The following LPP variants were observed in gnomAD, a reference collection of about 807,000 sequenced individuals.
The protein encoded by LPP is lipoma-preferred partner.
Under a neutral mutation model 60.4 loss-of-function variants are expected in LPP, and 38 were observed. That is an observed-to-expected ratio of 0.63 (90% CI 0.49 to 0.83). The LOEUF (loss-of-function observed/expected upper bound fraction) is 0.83. Among genes scored for constraint, LPP ranks in the 40% least tolerant of loss-of-function variants. The pLI, the probability that LPP is intolerant of heterozygous loss-of-function variation, is 0.00. For synonymous variants in LPP, 328 were observed against 290.8 expected, an observed-to-expected ratio of 1.13 and a Z score of -1.30; for missense variants, 902 against 783.6, an observed-to-expected ratio of 1.15 and a Z score of -1.80.
chr3:188,864,113 T>C (rs1229369113), intron 9 of LPP, among the ~76,000 whole-genome samples: 1 of 152,188 alleles, frequency 6.6e-6, no homozygotes, highest in Non-Finnish European at 1.5e-5. Context: ...CCTGTGCTCT[T>C]CTGCTATTTT....
chr3:188,825,526 T>C (rs1440249377), intron 9 of LPP, among the ~76,000 whole-genome samples: 1 of 151,898 alleles, frequency 6.6e-6, no homozygotes, highest in Non-Finnish European at 1.5e-5. Flanking sequence ...GTATCTGAAG[T>C]GTGAATCTAT....
rs938498244 is a variant in LPP, at chr3:188,883,351, G to A, written c.*8872G>A. On this transcript the variant is annotated 3_prime_UTR_variant, in exon 12 of 12. Coordinates refer to ENST00000617246, the MANE Select transcript of LPP (RefSeq NM_001375462.1). Reference sequence around the variant, plus strand: ...ATTTAGAAGACAGACCGTTCTGACAGTTGTTGTGTAGCTTCATGCCTTCCC... The same window carrying A: ...ATTTAGAAGACAGACCGTTCTGACAATTGTTGTGTAGCTTCATGCCTTCCC... The A allele has an allele frequency of 9.3e-6, 2 of 215,102 alleles. No homozygotes were observed. The highest frequency in any genetic ancestry group is 4.5e-5 in the African/African-American group (2 of 44,342). 13.3% of individuals were successfully genotyped at this position (215,102 alleles called of 1,614,324 possible).
chr3:188,616,647 C>T (rs924439631), intron 7 of LPP, among the ~76,000 whole-genome samples: 1 of 151,892 alleles, frequency 6.6e-6, no homozygotes, highest in Non-Finnish European at 1.5e-5. Flanking sequence ...ACAAAATAGG[C>T]TGCTATGATT....
At chr3:188,679,879 C>T (rs1285761125) in intron 7 of LPP, among the ~76,000 whole-genome samples, 1 of 152,032 alleles carries the variant, frequency 6.6e-6, no homozygotes, top group Non-Finnish European at 1.5e-5. Flanking sequence ...TAATTTTTTC[C>T]TCCTATCCCC....
chr3:188,718,033 C>T (rs1714776251), intron 8 of LPP, among the ~76,000 whole-genome samples: 1 of 152,166 alleles, frequency 6.6e-6, no homozygotes, highest in African/African-American at 2.4e-5. Flanking sequence ...GTTGGTCAGG[C>T]TGATCTCGAA....
At chr3:188,547,932 G>A (rs1221450486) in intron 6 of LPP, among the ~76,000 whole-genome samples, 2 of 152,136 alleles carry the variant, frequency 1.3e-5, no homozygotes, top group Admixed American at 1.3e-4. Context: ...GCTTCTTCAT[G>A]TCTAGTGTTG....
intron 9 of LPP, among the ~76,000 whole-genome samples, chr3:188,798,502 C>G (rs879659815): frequency 6.6e-6 from 1 of 152,196 alleles, no homozygotes; most frequent in Non-Finnish European, 1.5e-5. Context: ...TCTCTTCAGT[C>G]TCAACATCCT....
chr3:188,890,569 T>C lies in LPP; in HGVS notation c.*16090T>C, dbSNP rs6659. 11,014 of 179,710 alleles carry C rather than the reference T, an allele frequency of 0.061. 374 individuals carry two copies. Among genetic ancestry groups the C allele is most frequent in the Non-Finnish European group, 0.071 (5,941 of 83,862 alleles). The allele number at this position is 179,710 out of a possible 1,614,324, so 11.1% of individuals were successfully genotyped here. ...TTCTCTACCAATTATGTTTTTTCAA[T>C]GCTCTATAAGAATGAATATGGAAAT... On this transcript the variant is annotated 3_prime_UTR_variant, in exon 12 of 12. Coordinates refer to ENST00000617246, the MANE Select transcript of LPP (RefSeq NM_001375462.1).
At chr3:188,723,706 T>A (rs1460985330) in intron 8 of LPP, among the ~76,000 whole-genome samples, 1 of 145,640 alleles carries the variant, frequency 6.9e-6, no homozygotes, top group East Asian at 2.0e-4. Flanking sequence ...GAATGTAGCT[T>A]AAAAAAAAAA....
At chr3:188,521,424 T>A (rs562491482) in intron 5 of LPP, among the ~76,000 whole-genome samples, 1 of 152,068 alleles carries the variant, frequency 6.6e-6, no homozygotes, top group Non-Finnish European at 1.5e-5. Context: ...ACTTGTTGAG[T>A]CTCAGTGGTT....
chr3:188,571,666 A>G (rs1239984154), intron 6 of LPP, among the ~76,000 whole-genome samples: 1 of 152,142 alleles, frequency 6.6e-6, no homozygotes. Flanking sequence ...GAGAAGTCAT[A>G]CAGCGTATTT....
intron 6 of LPP, among the ~76,000 whole-genome samples, chr3:188,540,776 T>C (rs1824950946): frequency 6.6e-6 from 1 of 152,224 alleles, no homozygotes. Context: ...TTGTCTGAGT[T>C]ACTGCTTTTA....
chr3:188,681,335 G>C (rs1859469555), intron 7 of LPP, among the ~76,000 whole-genome samples: 1 of 152,174 alleles, frequency 6.6e-6, no homozygotes, highest in Non-Finnish European at 1.5e-5. Context: ...AGTACCAGAA[G>C]TCTTTGTTAG....
intron 2 of LPP, among the ~76,000 whole-genome samples, chr3:188,252,044 A>G (rs1477117627): frequency 1.2e-5 from 1 of 81,122 alleles, no homozygotes; most frequent in African/African-American, 6.0e-5. Flanking sequence ...ATATATATAT[A>G]TATATATATA....
chr3:188,561,952 G>T (rs118100233), intron 6 of LPP, among the ~76,000 whole-genome samples: 1 of 151,980 alleles, frequency 6.6e-6, no homozygotes, highest in African/African-American at 2.4e-5. Context: ...AATTTGCAGC[G>T]CATGGACTTG....
chr3:188,832,350 G>T (rs937965368), intron 9 of LPP, among the ~76,000 whole-genome samples: 1 of 152,108 alleles, frequency 6.6e-6, no homozygotes, highest in African/African-American at 2.4e-5. Context: ...AAAAAGCTAG[G>T]ATCCTGACTC....
At chr3:188,248,139 C>T (rs1437724154) in intron 2 of LPP, among the ~76,000 whole-genome samples, 1 of 151,928 alleles carries the variant, frequency 6.6e-6, no homozygotes, top group Non-Finnish European at 1.5e-5. Flanking sequence ...GCTGTGTCTC[C>T]CTGACACCCA....
At chr3:188,711,721 A>G (rs1711575420) in intron 8 of LPP, 1 of 152,200 alleles carries the variant, frequency 6.6e-6, no homozygotes, top group Admixed American at 6.5e-5. Flanking sequence ...AAGTTCTTAT[A>G]GTCTAATAGG....
At chr3:188,566,571 C>G (rs940926816) in intron 6 of LPP, among the ~76,000 whole-genome samples, 3 of 151,888 alleles carry the variant, frequency 2.0e-5, no homozygotes, top group Non-Finnish European at 4.4e-5. Flanking sequence ...CCTCCCAACT[C>G]TCCCTCCAAC....
Sources: allele counts gnomAD v4.1 joint callset (sites outside exome capture counted in the v4.1 genomes callset), GRCh38; gene constraint gnomAD v4.1.1; transcripts MANE v1.5; gene names NCBI Gene and HGNC (gene_info 2026-07-23, HGNC 2026-07-21).